Variants in PRKG1 observed in about 807,000 individuals in gnomAD.
PRKG1 encodes the protein protein kinase cGMP-dependent 1, also known as cGMP-dependent protein kinase 1.
A neutral mutation model predicts 88.1 loss-of-function variants in PRKG1; 35 were observed. That is an observed-to-expected ratio of 0.40 (90% CI 0.30 to 0.53). The LOEUF is 0.53. Ranked by LOEUF, PRKG1 falls within the 20% of genes least tolerant of loss-of-function variation. The probability of loss-of-function intolerance (pLI) is 0.59; values close to 1 mark genes in which losing one functional copy is unlikely to be tolerated. For synonymous variants in PRKG1, 303 were observed against 292.5 expected (o/e 1.04, Z -0.37); for missense variants, 540 against 839.8 (o/e 0.64, Z 4.41).
intron 2 of PRKG1, among the ~76,000 whole-genome samples, chr10:51,247,196 T>G (rs969386180): frequency 6.6e-6 from 1 of 152,026 alleles, no homozygotes; most frequent in African/African-American, 2.4e-5. Context: ...AGGTCAACTT[T>G]GTGTGTTAGA....
At chr10:51,989,164 A>G (rs1844238477) in intron 5 of PRKG1, among the ~76,000 whole-genome samples, 1 of 152,122 alleles carries the variant, frequency 6.6e-6, no homozygotes, top group Admixed American at 6.6e-5. Flanking sequence ...AACAACAACA[A>G]CAAAAATCAC....
At chr10:51,843,901 G>C (rs1192098845) in intron 4 of PRKG1, among the ~76,000 whole-genome samples, 2 of 152,036 alleles carry the variant, frequency 1.3e-5, no homozygotes, top group Non-Finnish European at 2.9e-5. Flanking sequence ...TTCCATTTGA[G>C]AGAAGTGACT....
At chr10:51,966,793 T>C (rs1843578315) in intron 5 of PRKG1, among the ~76,000 whole-genome samples, 1 of 152,140 alleles carries the variant, frequency 6.6e-6, no homozygotes, top group Non-Finnish European at 1.5e-5. Flanking sequence ...AGGCCAGCCT[T>C]TCCTCATCCT....
At chr10:51,072,433 C>T (rs1397903496), upstream of PRKG1, among the ~76,000 whole-genome samples, 2 of 151,970 alleles carry the variant, frequency 1.3e-5, no homozygotes, top group African/African-American at 4.8e-5. Flanking sequence ...TGGCCTTTTG[C>T]CCAGAAGAAG....
rs145300194 is a variant in PRKG1 at position 51,432,768 on chromosome 10, T to C, written c.479-34955T>C. On this transcript the variant is annotated intron_variant, in intron 2 of 17. Coordinates refer to ENST00000373980, the MANE Select transcript of PRKG1 (RefSeq NM_006258.4). ...CAAACATACAGATTGTTCTTTACAC[T>C]TGTGTCATCACATCTTCTAGGTCTA... Among the ~76,000 whole-genome samples the C allele has an allele frequency of 2.5e-3, 380 of 152,310 alleles. 2 individuals carry two copies. The highest frequency in any genetic ancestry group is 8.9e-3 in the African/African-American group (369 of 41,564).
intron 1 of PRKG1, among the ~76,000 whole-genome samples, chr10:51,017,158 G>A (rs939484043): frequency 6.6e-6 from 1 of 151,956 alleles, no homozygotes; most frequent in Non-Finnish European, 1.5e-5. Context: ...CCTCTAAAAA[G>A]CCTTCCATGA....
At chr10:52,103,722 G>A (rs1225124744) in intron 7 of PRKG1, among the ~76,000 whole-genome samples, 1 of 151,760 alleles carries the variant, frequency 6.6e-6, no homozygotes, top group Non-Finnish European at 1.5e-5. Context: ...GTTGTTCAGA[G>A]GTCAACTGTA....
intron 2 of PRKG1, among the ~76,000 whole-genome samples, chr10:51,204,571 T>C (rs1308233689): frequency 6.6e-6 from 1 of 152,194 alleles, no homozygotes; most frequent in Non-Finnish European, 1.5e-5. Flanking sequence ...GCTACCCTGC[T>C]GCCGGTAGAC....
intron 2 of PRKG1, among the ~76,000 whole-genome samples, chr10:51,211,362 C>A (rs375255011): frequency 6.6e-6 from 1 of 152,134 alleles, no homozygotes; most frequent in Non-Finnish European, 1.5e-5. Flanking sequence ...CAATATCATA[C>A]TGAATGGACA....
chr10:51,559,229 A>G lies in PRKG1; in HGVS notation c.592+91393A>G, dbSNP rs374458232. Reference sequence around the variant, plus strand: ...AACAGTAAGAATTGGAAAGCACAGCATGTATTACTTCATCAGGGAAAATGC... The same window carrying G: ...AACAGTAAGAATTGGAAAGCACAGCGTGTATTACTTCATCAGGGAAAATGC... On this transcript the variant is annotated intron_variant, in intron 3 of 17. Transcript: ENST00000373980. 1.1e-4 allele frequency among the ~76,000 whole-genome samples: 16 copies of G among 152,204 alleles called. No individual in the cohort carries two copies. The East Asian group carries it at 2.1e-3, about 20-fold the overall frequency.
upstream of PRKG1, chr10:51,074,361 C>T (rs992562954): frequency 1.0e-5 from 12 of 1,153,334 alleles, no homozygotes; most frequent in Admixed American, 3.1e-5. Context: ...TTGCTCTCCC[C>T]GCTCTGAGCC....
At chr10:51,946,907 A>C (rs904792509) in intron 5 of PRKG1, among the ~76,000 whole-genome samples, 2 of 152,054 alleles carry the variant, frequency 1.3e-5, no homozygotes, top group Non-Finnish European at 2.9e-5. Flanking sequence ...CTCAGGGGTC[A>C]GGGGTCAGGG....
chr10:52,071,277 T>C (rs1349525620), intron 7 of PRKG1, among the ~76,000 whole-genome samples: 6 of 152,168 alleles, frequency 3.9e-5, no homozygotes, highest in Admixed American at 3.9e-4. Flanking sequence ...AGGTAGATTT[T>C]CAACCCTTGC....
chr10:51,588,179 A>T (rs1199148636), intron 3 of PRKG1, among the ~76,000 whole-genome samples: 2 of 152,202 alleles, frequency 1.3e-5, no homozygotes, highest in African/African-American at 4.8e-5. Flanking sequence ...AATGTATGTT[A>T]GCCATTGCCC....
chr10:50,999,576 G>C (rs1283842455), intron 1 of PRKG1, among the ~76,000 whole-genome samples: 1 of 152,142 alleles, frequency 6.6e-6, no homozygotes, highest in Admixed American at 6.5e-5. Flanking sequence ...TCAAATGCTG[G>C]AAAAGTACTG....
intron 4 of PRKG1, among the ~76,000 whole-genome samples, chr10:51,853,689 G>T (rs1840612463): frequency 6.6e-6 from 1 of 152,110 alleles, no homozygotes; most frequent in African/African-American, 2.4e-5. Context: ...TATTTCATGG[G>T]ATTTGGCATT....
intron 5 of PRKG1, among the ~76,000 whole-genome samples, chr10:52,030,151 G>A (rs916211484): frequency 6.6e-6 from 1 of 152,154 alleles, no homozygotes; most frequent in Non-Finnish European, 1.5e-5. Context: ...TAAGTCTCAA[G>A]TCCTACCATT....
At chr10:51,165,214 A>C (rs947940699) in intron 2 of PRKG1, among the ~76,000 whole-genome samples, 3 of 152,228 alleles carry the variant, frequency 2.0e-5, no homozygotes, top group African/African-American at 7.2e-5. Context: ...CAGAAACTCT[A>C]CAAGCCAGAA....
intron 3 of PRKG1, among the ~76,000 whole-genome samples, chr10:51,560,677 A>G (rs1022481444): frequency 5.3e-5 from 8 of 152,020 alleles, no homozygotes; most frequent in Admixed American, 6.6e-5. Flanking sequence ...AAAATACATT[A>G]TATTGAAAAG....
Sources: allele counts gnomAD v4.1 joint callset (sites outside exome capture counted in the v4.1 genomes callset), GRCh38; gene constraint gnomAD v4.1.1; transcripts MANE v1.5; gene names NCBI Gene and HGNC (gene_info 2026-07-23, HGNC 2026-07-21).